SGCZ: variants seen among roughly 807,000 people sequenced by gnomAD.
SGCZ encodes sarcoglycan zeta.
Under a neutral mutation model 41.3 loss-of-function variants are expected in SGCZ, and 40 were observed. The ratio of observed to expected loss-of-function variants is 0.97; its 90% CI spans 0.75 to 1.26. The LOEUF (loss-of-function observed/expected upper bound fraction) is 1.26, where lower values mean the gene tolerates loss of function less well. Among genes scored for constraint, SGCZ ranks in the 50% most tolerant of loss-of-function variants. The pLI is 0.00. For missense variants in SGCZ, 552 were observed against 369.8 expected (o/e 1.49, Z -4.04); for synonymous variants, 206 against 137.5 (o/e 1.50, Z -3.49).
intron 4 of SGCZ, among the ~76,000 whole-genome samples, chr8:14,205,503 C>T (rs543280125): frequency 4.6e-5 from 7 of 152,142 alleles, no homozygotes; most frequent in African/African-American, 1.7e-4. Context: ...TAAACATTGC[C>T]GATGATGTCA....
At chr8:15,137,403 A>T (rs1013982608) in intron 1 of SGCZ, among the ~76,000 whole-genome samples, 2 of 152,214 alleles carry the variant, frequency 1.3e-5, no homozygotes, top group Non-Finnish European at 2.9e-5. Context: ...ATAAGTAACA[A>T]GGAGCAGAAT....
intron 4 of SGCZ, among the ~76,000 whole-genome samples, chr8:14,179,841 T>A (rs1316813627): frequency 6.6e-6 from 1 of 152,070 alleles, no homozygotes; most frequent in Non-Finnish European, 1.5e-5. Flanking sequence ...TCACTTGGTA[T>A]AAACCCTCTA....
At chr8:14,809,936 T>C (rs1361606089) in intron 1 of SGCZ, among the ~76,000 whole-genome samples, 3 of 152,138 alleles carry the variant, frequency 2.0e-5, no homozygotes, top group Non-Finnish European at 4.4e-5. Flanking sequence ...ATTTAGATAC[T>C]TAGAATCTAT....
chr8:14,490,803 G>A (rs1428602377), intron 2 of SGCZ, among the ~76,000 whole-genome samples: 1 of 106,732 alleles, frequency 9.4e-6, no homozygotes, highest in Non-Finnish European at 1.9e-5. Flanking sequence ...GCTCTTTCAA[G>A]GTGAGAATTG....
intron 1 of SGCZ, among the ~76,000 whole-genome samples, chr8:14,991,821 T>C (rs572754727): frequency 7.3e-5 from 11 of 150,144 alleles, no homozygotes; most frequent in African/African-American, 2.5e-4. Context: ...CTCTCACCCA[T>C]CGTCCTCATC....
At chr8:14,540,476 A>T (rs891945872) in intron 2 of SGCZ, among the ~76,000 whole-genome samples, 3 of 151,542 alleles carry the variant, frequency 2.0e-5, no homozygotes, top group Non-Finnish European at 4.4e-5. Flanking sequence ...TTATATCTCT[A>T]TATCTTTCGT....
chr8:14,613,743 T>C (rs1806005689), intron 1 of SGCZ, among the ~76,000 whole-genome samples: 1 of 152,120 alleles, frequency 6.6e-6, no homozygotes, highest in South Asian at 2.1e-4. Flanking sequence ...ATAAGAATTA[T>C]GGAGAGGGTT....
rs141863535 is a variant in SGCZ, at chr8:15,225,416, C to G, written c.39+12169G>C. Reference sequence around the variant, plus strand: ...TCAGACAAGTACTTATGCAATATTACAACAGAGGGAGAGGAACTGGCATGA... The same window carrying G: ...TCAGACAAGTACTTATGCAATATTAGAACAGAGGGAGAGGAACTGGCATGA... On this transcript the variant is annotated intron_variant, in intron 1 of 7. Transcript: ENST00000382080. Among the ~76,000 whole-genome samples, 43 of 152,206 alleles carry G rather than the reference C, an allele frequency of 2.8e-4. No homozygotes were observed. In the East Asian group the frequency reaches 8.3e-3, roughly 29 times the overall value.
chr8:14,135,403 G>T (rs1165547710), intron 5 of SGCZ, among the ~76,000 whole-genome samples: 7 of 152,116 alleles, frequency 4.6e-5, no homozygotes, highest in Non-Finnish European at 8.8e-5. Flanking sequence ...TTCTAAGGTG[G>T]GGGAAAATAC....
chr8:15,198,118 G>C (rs1397919514), intron 1 of SGCZ, among the ~76,000 whole-genome samples: 2 of 150,384 alleles, frequency 1.3e-5, no homozygotes, highest in Non-Finnish European at 3.0e-5. Flanking sequence ...ATATAATTAT[G>C]TGTCAAGAAA....
chr8:14,258,349 G>A (rs1490625242), intron 3 of SGCZ, among the ~76,000 whole-genome samples: 2 of 152,042 alleles, frequency 1.3e-5, no homozygotes, highest in South Asian at 2.1e-4. Flanking sequence ...TCTGCACTCT[G>A]CAAACACATG....
intron 1 of SGCZ, among the ~76,000 whole-genome samples, chr8:15,045,082 T>A (rs1350457064): frequency 8.1e-6 from 1 of 124,144 alleles, no homozygotes; most frequent in Non-Finnish European, 1.8e-5. Context: ...GAGCTTTTTA[T>A]ATTTATTTAT....
intron 3 of SGCZ, among the ~76,000 whole-genome samples, chr8:14,301,776 C>T (rs1801198984): frequency 6.6e-6 from 1 of 152,134 alleles, no homozygotes; most frequent in East Asian, 1.9e-4. Flanking sequence ...TTTTACTTAT[C>T]ATGCTGTATT....
chr8:14,263,220 A>T (rs1799736588), intron 3 of SGCZ, among the ~76,000 whole-genome samples: 1 of 152,224 alleles, frequency 6.6e-6, no homozygotes, highest in African/African-American at 2.4e-5. Context: ...AGAGGTTAAA[A>T]ATGAAGCAGG....
intron 1 of SGCZ, among the ~76,000 whole-genome samples, chr8:14,977,708 C>G (rs1028182346): frequency 6.6e-6 from 1 of 152,068 alleles, no homozygotes; most frequent in African/African-American, 2.4e-5. Context: ...AGTTCAATCC[C>G]AAGACTCAAA....
intron 4 of SGCZ, among the ~76,000 whole-genome samples, chr8:14,199,851 A>T (rs2117067088): frequency 6.6e-6 from 1 of 152,328 alleles, no homozygotes; most frequent in South Asian, 2.1e-4. Context: ...GATTTTGAAG[A>T]TCTAAGATCT....
chr8:14,324,262 A>C, intron 2 of SGCZ, 58 bp from the exon 3 acceptor site: 1 of 1,289,052 alleles, frequency 7.8e-7, no homozygotes, highest in Non-Finnish European at 1.1e-6. Context: ...ATATCTGGCC[A>C]TAATTTTCTT....
chr8:14,333,616 C>A (rs1389572090), intron 2 of SGCZ, among the ~76,000 whole-genome samples: 1 of 152,114 alleles, frequency 6.6e-6, no homozygotes, highest in South Asian at 2.1e-4. Context: ...TATTAACATT[C>A]AGATGAGTTT....
intron 3 of SGCZ, 21 bp from the exon 4 acceptor site, chr8:14,237,700 A>C: frequency 6.3e-7 from 1 of 1,585,542 alleles, no homozygotes; most frequent in Non-Finnish European, 8.6e-7. Context: ...TGTATAAAAT[A>C]AATAAATAGA....
Sources: gnomAD v4.1 joint callset for allele counts (sites outside exome capture counted in the v4.1 genomes callset) on GRCh38, gnomAD v4.1.1 for gene constraint, MANE v1.5 for transcripts, NCBI Gene and HGNC (gene_info 2026-07-23, HGNC 2026-07-21) for gene names.